Variants in PIP5K1C observed in about 807,000 individuals in gnomAD.
PIP5K1C encodes the protein phosphatidylinositol 4-phosphate 5-kinase type-1 gamma.
In PIP5K1C, 45 loss-of-function variants were observed where a neutral mutation model predicts 80.1. The ratio of observed to expected loss-of-function variants is 0.56; its 90% CI spans 0.44 to 0.72. The LOEUF is 0.72. PIP5K1C is among the 30% of genes least tolerant of loss of function. The pLI, the probability that PIP5K1C is intolerant of heterozygous loss-of-function variation, is 0.00. For synonymous variants in PIP5K1C, 498 were observed against 420.1 expected (o/e 1.19, Z -2.27); for missense variants, 753 against 954.6 (o/e 0.79, Z 2.78).
At chr19:3,699,860 G>A (rs978962588) in intron 1 of PIP5K1C, among the ~76,000 whole-genome samples, 2 of 152,226 alleles carry the variant, frequency 1.3e-5, no homozygotes, top group Admixed American at 6.5e-5. Flanking sequence ...TAGCAGGGAG[G>A]TAAACTGAGG....
intron 1 of PIP5K1C, among the ~76,000 whole-genome samples, chr19:3,694,550 C>G (rs1193640388): frequency 1.3e-5 from 2 of 152,274 alleles, no homozygotes; most frequent in Non-Finnish European, 2.9e-5. Context: ...CCACAGAGCA[C>G]TGCCCACGGA....
intron 1 of PIP5K1C, among the ~76,000 whole-genome samples, chr19:3,694,257 C>G (rs1600098646): frequency 6.6e-6 from 1 of 151,892 alleles, no homozygotes; most frequent in South Asian, 2.1e-4. Flanking sequence ...AAGTCACTTG[C>G]TCAGAGGCAC....
intron 1 of PIP5K1C, among the ~76,000 whole-genome samples, chr19:3,675,099 G>A (rs2035317782): frequency 1.3e-5 from 2 of 152,220 alleles, no homozygotes; most frequent in African/African-American, 2.4e-5. Flanking sequence ...GGGAGGGATG[G>A]AGAGTGACAG....
chr19:3,678,452 T>TGGAG (rs2145564279), intron 1 of PIP5K1C, among the ~76,000 whole-genome samples: 1 of 68,264 alleles, frequency 1.5e-5, no homozygotes, highest in Non-Finnish European at 2.9e-5. Flanking sequence ...AGATGGAGGA[T>TGGAG]GGAGGGATGG....
chr19:3,663,336 A>G (rs908199179), intron 3 of PIP5K1C, among the ~76,000 whole-genome samples: 1 of 152,068 alleles, frequency 6.6e-6, no homozygotes, highest in Admixed American at 6.5e-5. Flanking sequence ...GGGAGTTGGG[A>G]GTTGGTTTCT....
chr19:3,643,143 ACCCACATGCACAGCGGATGCCCCG>A (rs963071637), intron 13 of PIP5K1C, 76 bp downstream of exon 13: 33 of 1,570,512 alleles, frequency 2.1e-5, no homozygotes, highest in Non-Finnish European at 2.6e-5. Context: ...ACGATGCTCC[ACCCACATGCACAGCGGATGCCCCG>A]CCCACATGCA....
rs370692667 is a variant in PIP5K1C, at chr19:3,647,343, C to T, written c.1255G>A (p.Asp419Asn). 3.2e-6 allele frequency: 5 copies of T among 1,576,146 alleles called. No individual in the cohort carries two copies. Among genetic ancestry groups the T allele is most frequent in the African/African-American group, 1.4e-5 (1 of 73,826 alleles). Residue 419 changes from aspartate (D) to asparagine (N), a missense_variant, in exon 10 of 18, where the codon GAT becomes AAT. Physicochemically the swap from Asp to Asn is conservative, Grantham distance 23 (BLOSUM62 1). Around this residue, in one of 6 missense-constraint regions of PIP5K1C, gnomAD observed 114 missense variants for 152.4 expected, o/e 0.75. Transcript: ENST00000335312. ...AGGAGGGTGCAGGCGCTCACCCCAT[C>T]GTGGACGAGGGCCTTCCAGGTGTGC... is the stretch of plus-strand genomic sequence containing the variant. Reference protein sequence around the residue: ...LEHTWKALVHDGDTVSVHRPS... With the variant: ...LEHTWKALVHNGDTVSVHRPS...
chr19:3,655,685 G>A (rs2034598356), intron 6 of PIP5K1C, among the ~76,000 whole-genome samples: 1 of 152,142 alleles, frequency 6.6e-6, no homozygotes. Context: ...TAAGGAGCCC[G>A]GGCCCCTCGC....
In PIP5K1C at chr19:3,696,959, G is replaced by A. The variant is rs551349475; in HGVS notation, c.94+3338C>T. ...GCCAGGCCTGGCTCAGGGGGCAAAG[G>A]AGGACTGAGCTGGACCGAGGAGGAC... On this transcript the variant is annotated intron_variant, in intron 1 of 17. Transcript: ENST00000335312. The surrounding 1 kb of genome is among the most constrained non-coding windows in gnomAD (Gnocchi z 4.1). Among the ~76,000 whole-genome samples, 2 of 152,286 alleles carry A rather than the reference G, an allele frequency of 1.3e-5. No homozygotes were observed. Among genetic ancestry groups the A allele is most frequent in the East Asian group, 1.9e-4 (1 of 5,174 alleles).
intron 11 of PIP5K1C, among the ~76,000 whole-genome samples, chr19:3,645,363 G>C (rs1176602858): frequency 6.6e-6 from 1 of 152,230 alleles, no homozygotes; most frequent in Non-Finnish European, 1.5e-5. Context: ...ACGGGCTGAG[G>C]TCTGCACAGG....
At chr19:3,656,242 A>G (rs1033784259) in intron 6 of PIP5K1C, among the ~76,000 whole-genome samples, 163 bp downstream of exon 6, 7 of 152,162 alleles carry the variant, frequency 4.6e-5, no homozygotes, top group African/African-American at 1.4e-4. Context: ...GTGCTGGTGA[A>G]GCCTGACGGG....
At chr19:3,695,922 G>T (rs542882665) in intron 1 of PIP5K1C, among the ~76,000 whole-genome samples, 1 of 152,016 alleles carries the variant, frequency 6.6e-6, no homozygotes, top group African/African-American at 2.4e-5. Context: ...AGAGACAGGG[G>T]TCTTGCTATG....
chr19:3,645,600 C>T (rs940446658), intron 11 of PIP5K1C, among the ~76,000 whole-genome samples: 3 of 152,218 alleles, frequency 2.0e-5, no homozygotes, highest in African/African-American at 7.2e-5. Flanking sequence ...CTGTGGGCAG[C>T]CCCACACACT....
At chr19:3,668,894 G>A (rs910710700) in intron 1 of PIP5K1C, among the ~76,000 whole-genome samples, 1 of 152,200 alleles carries the variant, frequency 6.6e-6, no homozygotes, top group African/African-American at 2.4e-5. Context: ...AGGTGGCTGA[G>A]GCAGCCACGC....
At chr19:3,693,779 A>G (rs1189790936) in intron 1 of PIP5K1C, among the ~76,000 whole-genome samples, 1 of 152,160 alleles carries the variant, frequency 6.6e-6, no homozygotes, top group African/African-American at 2.4e-5. Flanking sequence ...AAAGGGAAAG[A>G]AGGGGCCACC....
At position 3,650,709 on chromosome 19, in the gene PIP5K1C, G is replaced by A. The variant is rs957656122; in HGVS notation, c.1127+1117C>T. ...CCAGCAGACATGACTGCAGGCCACT[G>A]AGATGTGGCCTCCTCTCTCCACCAC... On this transcript the variant is annotated intron_variant, in intron 8 of 17. Transcript: ENST00000335312. Among the ~76,000 whole-genome samples, 8 of 152,352 alleles carry A rather than the reference G, an allele frequency of 5.3e-5. No individual in the cohort carries two copies. The South Asian group carries it at 6.2e-4, about 12-fold the overall frequency.
In PIP5K1C at chr19:3,651,243, A is replaced by C. The variant is rs2034437594; in HGVS notation, c.1127+583T>G. On this transcript the variant is annotated intron_variant, in intron 8 of 17. Transcript: ENST00000335312. ...GCTACATTTTATATTTTTTGTAGAG[A>C]TGGGGTCTTGCCATGTTGCCCAGGC... 2.6e-5 allele frequency among the ~76,000 whole-genome samples: 4 copies of C among 151,736 alleles called. No homozygotes were observed. In the South Asian group the frequency reaches 8.3e-4, roughly 32 times the overall value.
rs1242707596 is a variant in PIP5K1C, at chr19:3,647,353, G to A, written c.1245C>T (p.Ala415=). Residue 415 remains alanine (A), a synonymous_variant, in exon 10 of 18, where the codon GCC becomes GCT. Transcript: ENST00000335312. The part of the protein sequence containing the change: ...FIKKLEHTWK[A]LVHDGDTVSV... ...AGGCGCTCACCCCATCGTGGACGAG[G>A]GCCTTCCAGGTGTGCTCCAGTTTCT... 1 of 1,579,242 alleles carries A rather than the reference G, an allele frequency of 6.3e-7. No homozygotes were observed. Among genetic ancestry groups the A allele is most frequent in the Non-Finnish European group, 8.6e-7 (1 of 1,161,488 alleles).
intron 10 of PIP5K1C, 118 bp downstream of exon 10, chr19:3,647,220 G>A: frequency 1.2e-6 from 1 of 849,552 alleles, no homozygotes; most frequent in Admixed American, 2.1e-5. Context: ...GGGATGGGAG[G>A]AGGGATGGGA....
Sources: gnomAD v4.1 joint callset for allele counts (sites outside exome capture counted in the v4.1 genomes callset) on GRCh38, gnomAD v4.1.1 for gene constraint, gnomAD v4.1.1 regional missense constraint, Gnocchi (gnomAD v3.1) non-coding constraint, MANE v1.5 for transcripts, NCBI Gene and HGNC (gene_info 2026-07-23, HGNC 2026-07-21) for gene names.